Variants in DACH1 observed in about 807,000 individuals in gnomAD.
DACH1 encodes dachshund family transcription factor 1.
In DACH1, 12 loss-of-function variants were observed where a neutral mutation model predicts 54.2. The observed-to-expected ratio is 0.22, with a 90% CI of 0.14 to 0.36. DACH1 has a LOEUF of 0.36. Among genes scored for constraint, DACH1 ranks in the 10% least tolerant of loss-of-function variants. DACH1 has a pLI of 1.00. For missense variants in DACH1, 805 were observed against 929.8 expected (o/e 0.87, Z 1.75); for synonymous variants, 386 against 366.2 (o/e 1.05, Z -0.62).
In DACH1 at chr13:71,443,049, A is replaced by G. The variant is rs903466879; in HGVS notation, c.2084-2357T>C. On this transcript the variant is annotated intron_variant, in intron 10 of 10. Coordinates refer to ENST00000613252, the MANE Select transcript of DACH1 (RefSeq NM_080759.6). ...TTACACAAAGTAGATATTGAATTAT[A>G]TATATAATTATATATATTATTAAAT... 7.4e-5 allele frequency among the ~76,000 whole-genome samples: 11 copies of G among 148,338 alleles called. No individual in the cohort carries two copies. In the East Asian group the frequency reaches 9.7e-4, roughly 13 times the overall value.
rs555612823 is a variant in DACH1, at chr13:71,529,735, T to C, written c.1570+27289A>G. On this transcript the variant is annotated intron_variant, in intron 6 of 10. Transcript: ENST00000613252. ...TGCAAACTCAACAACTCACCATCCTTAAACCATTAATCAAGATGATAAAGT... is the reference window on the plus strand; with the variant it reads ...TGCAAACTCAACAACTCACCATCCTCAAACCATTAATCAAGATGATAAAGT... Among the ~76,000 whole-genome samples, 4 of 152,348 alleles carry C rather than the reference T, an allele frequency of 2.6e-5. No homozygotes were observed. In the East Asian group the frequency reaches 7.7e-4, roughly 29 times the overall value.
intron 1 of DACH1, among the ~76,000 whole-genome samples, chr13:71,699,620 C>T (rs1029133323): frequency 1.3e-5 from 2 of 152,084 alleles, no homozygotes; most frequent in African/African-American, 4.8e-5. Flanking sequence ...TATAAACTGT[C>T]AATGTGAACA....
chr13:71,582,699 T>C (rs1872937382), intron 3 of DACH1, among the ~76,000 whole-genome samples: 1 of 152,156 alleles, frequency 6.6e-6, no homozygotes. Context: ...GGCAGACTTG[T>C]TGAAAGCTAC....
At chr13:71,641,620 A>G (rs1877904281) in intron 2 of DACH1, among the ~76,000 whole-genome samples, 1 of 152,168 alleles carries the variant, frequency 6.6e-6, no homozygotes. Context: ...AGAAAAACAC[A>G]TAGTGCCATG....
At chr13:71,482,050 G>C (rs1056694149) in intron 7 of DACH1, among the ~76,000 whole-genome samples, 3 of 152,182 alleles carry the variant, frequency 2.0e-5, no homozygotes, top group African/African-American at 7.2e-5. Flanking sequence ...ACTGAAGTCG[G>C]TTAATGACAA....
At chr13:71,753,158 G>T (rs1400546847) in intron 1 of DACH1, among the ~76,000 whole-genome samples, 1 of 152,132 alleles carries the variant, frequency 6.6e-6, no homozygotes. Flanking sequence ...CCTGTGAATG[G>T]ATTGCCACAC....
intron 3 of DACH1, among the ~76,000 whole-genome samples, chr13:71,592,910 C>T (rs1308273847): frequency 6.6e-6 from 1 of 152,046 alleles, no homozygotes; most frequent in East Asian, 1.9e-4. Flanking sequence ...CAAATAAGGG[C>T]AATAAATCAT....
intron 1 of DACH1, among the ~76,000 whole-genome samples, chr13:71,831,820 T>C (rs762122233): frequency 2.0e-5 from 3 of 151,926 alleles, no homozygotes; most frequent in Non-Finnish European, 2.9e-5. Flanking sequence ...GAAACTGTAA[T>C]CAAGAATTTT....
At chr13:71,504,584 A>G (rs889142186) in intron 6 of DACH1, among the ~76,000 whole-genome samples, 13 of 152,158 alleles carry the variant, frequency 8.5e-5, no homozygotes, top group African/African-American at 3.1e-4. Flanking sequence ...TTGAGATGTA[A>G]TAAGGCCAGA....
chr13:71,785,179 A>G (rs1886541607), intron 1 of DACH1, among the ~76,000 whole-genome samples: 1 of 152,146 alleles, frequency 6.6e-6, no homozygotes, highest in African/African-American at 2.4e-5. Flanking sequence ...TTAAACATAT[A>G]TACTCCATAA....
intron 10 of DACH1, among the ~76,000 whole-genome samples, chr13:71,450,394 C>G (rs938243518): frequency 6.6e-6 from 1 of 152,004 alleles, no homozygotes; most frequent in African/African-American, 2.4e-5. Context: ...GTTCCACGAA[C>G]TATGCCCATA....
chr13:71,487,650 A>C (rs537606588), intron 7 of DACH1, among the ~76,000 whole-genome samples: 7 of 152,204 alleles, frequency 4.6e-5, no homozygotes, highest in Non-Finnish European at 1.0e-4. Context: ...GCTGAAATTG[A>C]AATTAAATCC....
intron 1 of DACH1, among the ~76,000 whole-genome samples, chr13:71,693,631 C>T (rs1019262808): frequency 5.9e-5 from 9 of 151,914 alleles, no homozygotes; most frequent in Non-Finnish European, 1.3e-4. Context: ...TTTTGCTTTT[C>T]GAGTTCAGTT....
rs144076024 is a variant in DACH1 at position 71,564,284 on chromosome 13, C to T, written c.1300-4329G>A. Among the ~76,000 whole-genome samples, 183 of 151,932 alleles carry T rather than the reference C, an allele frequency of 1.2e-3. 2 individuals are homozygous for T. In the East Asian group the frequency reaches 0.028, roughly 23 times the overall value. ...GATTTATCATTTCATTTGTGTAATA[C>T]CCTTTAACGTCCAATAAGGGGCTGA... On this transcript the variant is annotated intron_variant, in intron 4 of 10. Transcript: ENST00000613252.
intron 1 of DACH1, among the ~76,000 whole-genome samples, chr13:71,839,421 T>C (rs761735842): frequency 1.3e-5 from 2 of 151,922 alleles, no homozygotes; most frequent in Non-Finnish European, 1.5e-5. Context: ...TCCTGGCTAA[T>C]ACGGTGAAAC....
intron 2 of DACH1, among the ~76,000 whole-genome samples, chr13:71,646,437 T>C (rs186029897): frequency 2.3e-3 from 352 of 152,278 alleles, no homozygotes; most frequent in Non-Finnish European, 3.9e-3. Context: ...ACTCAAAAGT[T>C]ACTAATAAGG....
intron 10 of DACH1, among the ~76,000 whole-genome samples, chr13:71,446,110 C>T (rs1874439849): frequency 6.6e-6 from 1 of 152,176 alleles, no homozygotes; most frequent in East Asian, 1.9e-4. Context: ...ATAGCTGAGG[C>T]CTCATTATTC....
At chr13:71,654,899 A>C (rs1424945147) in intron 2 of DACH1, among the ~76,000 whole-genome samples, 1 of 152,226 alleles carries the variant, frequency 6.6e-6, no homozygotes, top group African/African-American at 2.4e-5. Flanking sequence ...GCAGGCTTAA[A>C]GGAAAAGTTG....
At chr13:71,791,625 C>G (rs974957446) in intron 1 of DACH1, among the ~76,000 whole-genome samples, 1 of 152,156 alleles carries the variant, frequency 6.6e-6, no homozygotes, top group Non-Finnish European at 1.5e-5. Flanking sequence ...CTCGGGTGAT[C>G]CACCCGCCTT....
Sources: allele counts gnomAD v4.1 joint callset (sites outside exome capture counted in the v4.1 genomes callset), GRCh38; gene constraint gnomAD v4.1.1; transcripts MANE v1.5; gene names NCBI Gene and HGNC (gene_info 2026-07-23, HGNC 2026-07-21).